The following ZMYM1 variants were observed in gnomAD, a reference collection of about 807,000 sequenced individuals.
The protein encoded by ZMYM1 is zinc finger MYM-type protein 1.
In ZMYM1, 39 loss-of-function variants were observed where a neutral mutation model predicts 60.0. That is an observed-to-expected ratio of 0.65 (90% CI 0.50 to 0.85). The LOEUF is 0.85. Among genes scored for constraint, ZMYM1 ranks in the 40% least tolerant of loss-of-function variants. ZMYM1 has a pLI of 0.00. For synonymous variants in ZMYM1, 413 were observed against 454.0 expected, an observed-to-expected ratio of 0.91 and a Z score of 1.15; for missense variants, 1,171 against 1,309.5, an observed-to-expected ratio of 0.89 and a Z score of 1.63.
At chr1:35,099,387 C>T in intron 4 of ZMYM1, among the ~76,000 whole-genome samples, 1 of 152,160 alleles carries the variant, frequency 6.6e-6, no homozygotes, top group East Asian at 1.9e-4. Flanking sequence ...AGACTCACTA[C>T]ACATCTTCAG....
intron 1 of ZMYM1, among the ~76,000 whole-genome samples, chr1:35,069,244 T>C (rs1435383086): frequency 6.6e-6 from 1 of 152,232 alleles, no homozygotes; most frequent in East Asian, 1.9e-4. Flanking sequence ...CTCCATATCC[T>C]CATTGACACC....
chr1:35,108,105 C>G (rs1417317288), intron 6 of ZMYM1, among the ~76,000 whole-genome samples: 1 of 152,068 alleles, frequency 6.6e-6, no homozygotes. Context: ...GAGCAAGACT[C>G]TGTCTCAAAA....
At chr1:35,092,558 C>T (rs1643084400) in intron 1 of ZMYM1, among the ~76,000 whole-genome samples, 1 of 149,964 alleles carries the variant, frequency 6.7e-6, no homozygotes, top group Non-Finnish European at 1.5e-5. Context: ...CTTTTCTTTT[C>T]TTTTCTTTTC....
chr1:35,086,826 C>T (rs369164201), intron 1 of ZMYM1, among the ~76,000 whole-genome samples: 11 of 151,510 alleles, frequency 7.3e-5, no homozygotes, highest in African/African-American at 2.7e-4. Flanking sequence ...GGATTACAGG[C>T]GCCCACCACC....
intron 6 of ZMYM1, among the ~76,000 whole-genome samples, chr1:35,105,543 C>T (rs547597357): frequency 6.6e-6 from 1 of 152,230 alleles, no homozygotes; most frequent in African/African-American, 2.4e-5. Context: ...AAGCAATTCT[C>T]CTGCCTCAGC....
At chr1:35,064,144 T>G (rs1261747333) in intron 1 of ZMYM1, among the ~76,000 whole-genome samples, 1 of 151,806 alleles carries the variant, frequency 6.6e-6, no homozygotes, top group Non-Finnish European at 1.5e-5. Context: ...ACCAACCTGG[T>G]GAAACCCCAT....
At chr1:35,097,211 C>T in intron 3 of ZMYM1, 106 bp from the exon 4 acceptor site, 1 of 1,327,360 alleles carries the variant, frequency 7.5e-7, no homozygotes, top group Middle Eastern at 2.1e-4. Context: ...AAGAGGGCAA[C>T]AGAACAAGAC....
At chr1:35,064,742 A>T (rs1234887134) in intron 1 of ZMYM1, among the ~76,000 whole-genome samples, 1 of 136,042 alleles carries the variant, frequency 7.4e-6, no homozygotes, top group African/African-American at 2.8e-5. Context: ...GCTGGAGTGC[A>T]GTGGCGTGAT....
rs1418717641 is a variant in ZMYM1, at chr1:35,114,709, A to G, written c.2879A>G (p.Glu960Gly). The G allele has an allele frequency of 1.9e-6, 3 of 1,577,898 alleles. No individual in the cohort carries two copies. Among genetic ancestry groups the G allele is most frequent in the African/African-American group, 2.7e-5 (2 of 72,930 alleles). The change falls in exon 10 of 10, where the codon GAA becomes GGA. Residue 960 changes from glutamate (E) to glycine (G), a missense_variant. Transcript: ENST00000359858. ...SDNMFFPTST[E>G]EQYKINIYYQ... Reference sequence around the variant, plus strand: ...AATATGTTTTTTCCTACTTCAACAGAAGAACAATATAAAATTAATATCTAT... The same window carrying G: ...AATATGTTTTTTCCTACTTCAACAGGAGAACAATATAAAATTAATATCTAT...
rs759270982 is a variant in ZMYM1, at chr1:35,114,980, C to T, written c.3150C>T (p.Leu1050=). Residue 1050 remains leucine (L), a synonymous_variant, in exon 10 of 10, where the codon CTC becomes CTT. Transcript: ENST00000359858. The part of the protein sequence containing the change: ...IDDSCINFVS[L]GCLFIQHGLH... ...ATAGTTGCATAAACTTCGTCAGTCT[C>T]GGCTGTTTGTTTATTCAGCATGGTC... 31 of 1,613,916 alleles carry T rather than the reference C, an allele frequency of 1.9e-5. No homozygotes were observed. The highest frequency in any genetic ancestry group is 1.3e-4 in the South Asian group (12 of 91,070).
At position 35,112,135 on chromosome 1, in the gene ZMYM1, G is replaced by C. The variant is rs748714806; in HGVS notation, c.1146+5G>C. ...ACAGCAGATGTCATTGTGGATGTAAGTTTTAACTTTTTTTACCACTGTCTT... is the reference window on the plus strand; with the variant it reads ...ACAGCAGATGTCATTGTGGATGTAACTTTTAACTTTTTTTACCACTGTCTT... On this transcript the variant is annotated splice_donor_5th_base_variant and intron_variant, in intron 9 of 9. Transcript: ENST00000359858. 1 of 1,613,064 alleles carries C rather than the reference G, an allele frequency of 6.2e-7. No homozygotes were observed. Among genetic ancestry groups the C allele is most frequent in the East Asian group, 2.2e-5 (1 of 44,810 alleles).
At chr1:35,070,197 T>C (rs1642042467) in intron 1 of ZMYM1, among the ~76,000 whole-genome samples, 1 of 152,190 alleles carries the variant, frequency 6.6e-6, no homozygotes, top group African/African-American at 2.4e-5. Context: ...ATTTCAACAA[T>C]ATCAATTCTT....
chr1:35,112,233 A>G, intron 9 of ZMYM1, 103 bp downstream of exon 9: 2 of 1,192,632 alleles, frequency 1.7e-6, no homozygotes, highest in Admixed American at 1.8e-5. Context: ...GCTGGAGTGC[A>G]GTGGCGTGAT....
intron 1 of ZMYM1, among the ~76,000 whole-genome samples, chr1:35,081,177 A>C (rs560298275): frequency 6.6e-6 from 1 of 152,258 alleles, no homozygotes; most frequent in South Asian, 2.1e-4. Context: ...CCACCCTCTC[A>C]AAGTGCTGGG....
Position 35,115,266 on chromosome 1 carries a change from C to T in ZMYM1, c.*7C>T. On this transcript the variant is annotated 3_prime_UTR_variant, in exon 10 of 10. Coordinates refer to ENST00000359858, the MANE Select transcript of ZMYM1 (RefSeq NM_024772.5). ...TCAGATGAAAGAAATATAATACATG[C>T]TCATTTGAACTTACCTAAAAGACTT... 1 of 1,541,646 alleles carries T rather than the reference C, an allele frequency of 6.5e-7. No individual in the cohort carries two copies. Among genetic ancestry groups the T allele is most frequent in the Non-Finnish European group, 8.7e-7 (1 of 1,151,786 alleles).
chr1:35,114,278 ACTAT>A lies in ZMYM1; in HGVS notation c.2451_2454del (p.Ser818Ter). 1 of 1,613,862 alleles carries A rather than the reference ACTAT, an allele frequency of 6.2e-7. No homozygotes were observed. The highest frequency in any genetic ancestry group is 8.5e-7 in the Non-Finnish European group (1 of 1,179,854). ...GTTGGACAGTCCATGATCGTACATT[ACTAT>A]CTGTGATTGACAGTCTTCCAGAGAT... On this transcript the variant is annotated frameshift_variant, in exon 10 of 10. Transcript: ENST00000359858. LOFTEE classifies it high-confidence loss of function.
chr1:35,097,935 C>T (rs1181915795), intron 4 of ZMYM1, among the ~76,000 whole-genome samples: 6 of 152,220 alleles, frequency 3.9e-5, no homozygotes, highest in Non-Finnish European at 7.3e-5. Context: ...AGGTGTGAGT[C>T]ACTGCGCCCG....
chr1:35,064,869 A>G (rs1641943166), intron 1 of ZMYM1, among the ~76,000 whole-genome samples: 2 of 151,764 alleles, frequency 1.3e-5, no homozygotes, highest in South Asian at 4.2e-4. Context: ...TTGTATTTTT[A>G]GTAGAGGCAG....
chr1:35,083,690 A>C (rs1244644518), intron 1 of ZMYM1, among the ~76,000 whole-genome samples: 2 of 151,934 alleles, frequency 1.3e-5, no homozygotes, highest in Non-Finnish European at 2.9e-5. Flanking sequence ...ATCATAGCTC[A>C]CTGTAACCTG....
Sources: allele counts gnomAD v4.1 joint callset (sites outside exome capture counted in the v4.1 genomes callset), GRCh38; gene constraint gnomAD v4.1.1; transcripts MANE v1.5; gene names NCBI Gene and HGNC (gene_info 2026-07-23, HGNC 2026-07-21).